Variants in RBL1 observed in about 807,000 individuals in gnomAD.
RBL1 encodes RB transcriptional corepressor like 1, also known as retinoblastoma-like protein 1.
A neutral mutation model predicts 123.0 loss-of-function variants in RBL1; 82 were observed. The ratio of observed to expected loss-of-function variants is 0.67; its 90% CI spans 0.56 to 0.80. RBL1 has a LOEUF of 0.80. RBL1 is among the 30% of genes least tolerant of loss of function. The pLI is 0.00. For missense variants in RBL1, 1,171 were observed against 1,299.6 expected, an observed-to-expected ratio of 0.90 and a Z score of 1.52; for synonymous variants, 405 against 441.3, an observed-to-expected ratio of 0.92 and a Z score of 1.03.
intron 16 of RBL1, among the ~76,000 whole-genome samples, chr20:37,026,659 G>A (rs1446099254): frequency 3.3e-5 from 5 of 150,270 alleles, no homozygotes; most frequent in Non-Finnish European, 5.9e-5. Flanking sequence ...AGCCAAGATC[G>A]TGCCACTGCA....
chr20:37,047,275 A>C, intron 11 of RBL1, 85 bp from the exon 12 acceptor site: 2 of 1,462,816 alleles, frequency 1.4e-6, no homozygotes, highest in Non-Finnish European at 1.8e-6. Context: ...AAAAACAAGA[A>C]AAAATAACGT....
chr20:37,084,105 G>A (rs992852039), intron 2 of RBL1, among the ~76,000 whole-genome samples: 1 of 151,680 alleles, frequency 6.6e-6, no homozygotes, highest in Non-Finnish European at 1.5e-5. Flanking sequence ...TCACCCTGTT[G>A]CCCAGGCTGG....
At position 37,035,417 on chromosome 20, in the gene RBL1, G is replaced by A. The variant is rs367617244; in HGVS notation, c.1995C>T (p.Pro665=). The A allele has an allele frequency of 1.7e-4, 270 of 1,613,862 alleles. No individual in the cohort carries two copies. The highest frequency in any genetic ancestry group is 2.2e-4 in the Non-Finnish European group (262 of 1,179,940). The part of the protein sequence containing the change: ...SAKRRLFGED[P]PKEMLMDKII... ...TCTTGTCCATAAGCATTTCCTTTGG[G>A]GGGTCCTCTCCAAAGAGTCTTCTCT... The change falls in exon 15 of 22, where the codon CCC becomes CCT. Residue 665 remains proline (P), a synonymous_variant. Coordinates refer to ENST00000373664, the MANE Select transcript of RBL1 (RefSeq NM_002895.5).
At chr20:37,038,041 G>T (rs2064653947) in intron 14 of RBL1, among the ~76,000 whole-genome samples, 1 of 145,668 alleles carries the variant, frequency 6.9e-6, no homozygotes, top group South Asian at 2.2e-4. Flanking sequence ...CCCCAGGCTG[G>T]AGTACAGTGG....
chr20:37,022,918 G>T, intron 16 of RBL1, 92 bp from the exon 17 acceptor site: 1 of 984,798 alleles, frequency 1.0e-6, no homozygotes, highest in Admixed American at 2.6e-5. Flanking sequence ...AAAAAACATA[G>T]GCTGTTGATA....
rs146388090 is a variant in RBL1 at position 37,086,513 on chromosome 20, C to T, written c.290+2476G>A. Among the ~76,000 whole-genome samples the T allele has an allele frequency of 8.3e-3, 1,265 of 151,588 alleles. 14 individuals carry two copies. The highest frequency in any genetic ancestry group is 0.028 in the African/African-American group (1,172 of 41,300). On this transcript the variant is annotated intron_variant, in intron 2 of 21. Coordinates refer to ENST00000373664, the MANE Select transcript of RBL1 (RefSeq NM_002895.5). ...TGAGATCAGGCCATTGCACTCCAGC[C>T]GGGGCAACAAGAGCAAAACTCCGTC...
chr20:37,050,143 C>T (rs1384882074), intron 11 of RBL1, among the ~76,000 whole-genome samples: 3 of 150,946 alleles, frequency 2.0e-5, no homozygotes, highest in Admixed American at 6.6e-5. Flanking sequence ...AAGAAAATTT[C>T]GAATAAATCT....
chr20:37,003,755 C>T lies in RBL1; in HGVS notation c.2983G>A (p.Gly995Ser). ...IYISPHKNGS[G>S]LTPRSALLYK... ...AGCAGAGCGCTTCTTGGTGTAAGGC[C>T]TGACCCATTCTTGTGCGGGGAAATA... The change falls in exon 21 of 22, where the codon GGC (glycine) becomes AGC (serine). Residue 995 changes from glycine (G) to serine (S), a missense_variant. Transcript: ENST00000373664. 6.2e-7 allele frequency: 1 copy of T among 1,614,022 alleles called. No individual in the cohort carries two copies. The highest frequency in any genetic ancestry group is 1.3e-5 in the African/African-American group (1 of 75,020).
chr20:37,057,078 C>A (rs187597386), intron 9 of RBL1, among the ~76,000 whole-genome samples: 2 of 151,998 alleles, frequency 1.3e-5, no homozygotes, highest in South Asian at 4.1e-4. Context: ...CACACACATA[C>A]ACCCACAGCA....
chr20:37,021,267 C>G (rs1190058970), intron 17 of RBL1, among the ~76,000 whole-genome samples: 1 of 152,008 alleles, frequency 6.6e-6, no homozygotes, highest in African/African-American at 2.4e-5. Context: ...AAAAGGAATT[C>G]CTTCTGGGAT....
intron 6 of RBL1, among the ~76,000 whole-genome samples, 176 bp from the exon 7 acceptor site, chr20:37,065,649 CTTT>C (rs11475348): frequency 6.9e-6 from 1 of 144,176 alleles, no homozygotes. Context: ...TTTTTTTTAA[CTTT>C]TTTTTTTTTT....
At chr20:37,060,213 T>G (rs1194777440) in intron 9 of RBL1, among the ~76,000 whole-genome samples, 1 of 151,636 alleles carries the variant, frequency 6.6e-6, no homozygotes, top group Non-Finnish European at 1.5e-5. Context: ...AATAAATAAA[T>G]CCATTTTTAT....
intron 16 of RBL1, among the ~76,000 whole-genome samples, chr20:37,025,653 T>TG (rs2064407186): frequency 6.6e-6 from 1 of 152,046 alleles, no homozygotes; most frequent in Non-Finnish European, 1.5e-5. Flanking sequence ...CTGGCTAGAA[T>TG]GCAGATATGA....
At chr20:37,051,372 G>A (rs2064909621) in intron 11 of RBL1, among the ~76,000 whole-genome samples, 1 of 152,030 alleles carries the variant, frequency 6.6e-6, no homozygotes, top group Non-Finnish European at 1.5e-5. Flanking sequence ...GTAGAGACAG[G>A]GTTTCACCAT....
At chr20:37,020,535 T>C (rs1417208362) in intron 18 of RBL1, 124 bp downstream of exon 18, 1 of 694,542 alleles carries the variant, frequency 1.4e-6, no homozygotes, top group East Asian at 2.9e-5. Flanking sequence ...GAGTTTAATG[T>C]TATCCATTAA....
chr20:37,078,018 T>G (rs1445466504), intron 2 of RBL1, among the ~76,000 whole-genome samples: 5 of 152,230 alleles, frequency 3.3e-5, no homozygotes, highest in Non-Finnish European at 5.9e-5. Context: ...CAGACTTCTT[T>G]GTAACACGAA....
chr20:37,048,506 T>G (rs1461047726), intron 11 of RBL1, among the ~76,000 whole-genome samples: 2 of 152,118 alleles, frequency 1.3e-5, no homozygotes, highest in Non-Finnish European at 2.9e-5. Context: ...AGGCAAGAGA[T>G]TTACAGATAT....
intron 21 of RBL1, among the ~76,000 whole-genome samples, chr20:37,001,576 A>G (rs1486044931): frequency 1.3e-5 from 2 of 151,546 alleles, no homozygotes; most frequent in African/African-American, 2.4e-5. Context: ...GCTCGTTAAG[A>G]GTCATCACCA....
chr20:37,043,630 C>T (rs6030964), intron 13 of RBL1, among the ~76,000 whole-genome samples: 18 of 152,144 alleles, frequency 1.2e-4, no homozygotes, highest in African/African-American at 4.3e-4. Context: ...CCATCTTTGT[C>T]CACTGCACAC....
Sources: gnomAD v4.1 joint callset for allele counts (sites outside exome capture counted in the v4.1 genomes callset) on GRCh38, gnomAD v4.1.1 for gene constraint, MANE v1.5 for transcripts, NCBI Gene and HGNC (gene_info 2026-07-23, HGNC 2026-07-21) for gene names.